The following ALDH1L1 variants were observed in gnomAD, a reference collection of about 807,000 sequenced individuals.
The protein encoded by ALDH1L1 is aldehyde dehydrogenase 1 family member L1.
A neutral mutation model predicts 101.1 loss-of-function variants in ALDH1L1; 68 were observed. The observed-to-expected ratio is 0.67, with a 90% CI of 0.55 to 0.82. The LOEUF (loss-of-function observed/expected upper bound fraction) is 0.82, where lower values mean the gene tolerates loss of function less well. Ranked by LOEUF, ALDH1L1 falls within the 40% of genes least tolerant of loss-of-function variation. ALDH1L1 has a pLI of 0.00. For missense variants in ALDH1L1, 1,087 were observed against 1,172.7 expected, an observed-to-expected ratio of 0.93 and a Z score of 1.07; for synonymous variants, 486 against 470.8, an observed-to-expected ratio of 1.03 and a Z score of -0.42.
intron 1 of ALDH1L1, among the ~76,000 whole-genome samples, chr3:126,187,115 G>T (rs2081523756): frequency 6.6e-6 from 1 of 152,174 alleles, no homozygotes; most frequent in African/African-American, 2.4e-5. Flanking sequence ...GGTAACAAGA[G>T]AAGGTCATGG....
intron 9 of ALDH1L1, among the ~76,000 whole-genome samples, chr3:126,140,405 A>G (rs2080544152): frequency 6.6e-6 from 1 of 152,164 alleles, no homozygotes; most frequent in Admixed American, 6.5e-5. Flanking sequence ...AGAAATGCTG[A>G]AAAGAGTCTT....
At chr3:126,116,471 A>G (rs2079974958) in intron 17 of ALDH1L1, among the ~76,000 whole-genome samples, 1 of 152,146 alleles carries the variant, frequency 6.6e-6, no homozygotes, top group African/African-American at 2.4e-5. Flanking sequence ...TTGCCCCCCA[A>G]ACCCTCTGTC....
intron 1 of ALDH1L1, among the ~76,000 whole-genome samples, chr3:126,167,356 C>A (rs532431338): frequency 6.6e-6 from 1 of 152,234 alleles, no homozygotes; most frequent in Non-Finnish European, 1.5e-5. Context: ...ATAGACCTAA[C>A]TTTCTGTGTT....
At chr3:126,187,030 G>C (rs1179374518) in intron 1 of ALDH1L1, among the ~76,000 whole-genome samples, 1 of 152,142 alleles carries the variant, frequency 6.6e-6, no homozygotes. Context: ...GGCTGCTCAG[G>C]GGGAGCGGGG....
In ALDH1L1 at chr3:126,107,180, G is replaced by A. The variant is rs1945906909; in HGVS notation, c.2414C>T (p.Ser805Phe). The change falls in exon 21 of 23, where the codon TCC (serine) becomes TTC (phenylalanine). Residue 805 changes from serine to phenylalanine, a missense_variant. By Grantham distance (155) the Ser-to-Phe change is radical (BLOSUM62 -2). This residue lies in a region of ALDH1L1 where 442 missense variants were observed against 535.7 expected (regional missense o/e 0.83). Transcript: ENST00000393434. ...EDHMFIAKEESFGPVMIISRF... is the reference protein window; with the variant it reads ...EDHMFIAKEEFFGPVMIISRF... ...AGAGATGATCATGACAGGCCCGAAG[G>A]ACTCCTCCTTGGCTATGAACATGTG... 1 of 1,614,070 alleles carries A rather than the reference G, an allele frequency of 6.2e-7. No homozygotes were observed. The highest frequency in any genetic ancestry group is 8.5e-7 in the Non-Finnish European group (1 of 1,180,028).
intron 1 of ALDH1L1, among the ~76,000 whole-genome samples, chr3:126,175,467 A>T (rs989646740): frequency 6.6e-6 from 1 of 152,148 alleles, no homozygotes; most frequent in Admixed American, 6.5e-5. Flanking sequence ...AATCCTCAAA[A>T]AAATCAGCAA....
At chr3:126,134,327 C>G (rs1358833975) in intron 12 of ALDH1L1, among the ~76,000 whole-genome samples, 1 of 152,184 alleles carries the variant, frequency 6.6e-6, no homozygotes, top group African/African-American at 2.4e-5. Context: ...ATACAAGCCA[C>G]CAGATGGCAG....
At chr3:126,114,956 C>T (rs1386728151) in intron 17 of ALDH1L1, 5 of 491,738 alleles carry the variant, frequency 1.0e-5, no homozygotes, top group East Asian at 5.7e-5. Context: ...CCTCCCTGAT[C>T]GCCCCGTATA....
rs200978365 is a variant in ALDH1L1 at position 126,146,788 on chromosome 3, C to T, written c.1076+47G>A. On this transcript the variant is annotated intron_variant, in intron 9 of 22. Transcript: ENST00000393434. ...TGCTCAGTTTTGCAGAGATTTGTGA[C>T]ACAGCACCAAGTACCTGGGACAGGA... is the stretch of plus-strand genomic sequence containing the variant. 9.2e-4 allele frequency: 1,470 copies of T among 1,592,004 alleles called. 16 individuals carry two copies. Among genetic ancestry groups the T allele is most frequent in the Non-Finnish European group, 2.4e-4 (280 of 1,165,212 alleles).
chr3:126,135,196 A>C (rs998406275), intron 12 of ALDH1L1: 2 of 229,500 alleles, frequency 8.7e-6, no homozygotes, highest in Non-Finnish European at 1.7e-5. Context: ...CCTCCAGCCC[A>C]GGCTGGTGAG....
rs1232193314 is a variant in ALDH1L1 at position 126,130,277 on chromosome 3, A to T, written c.1640T>A (p.Ile547Asn). ...GTTGCGGTTGGGTCTGGCCTGGTTG[A>T]TGGGGATGGTGGAGCCCTGGAAGAG... is the stretch of plus-strand genomic sequence containing the variant. ...CDKIQGSTIP[I>N]NQARPNRNLT... Residue 547 changes from isoleucine to asparagine, a missense_variant, in exon 14 of 23, where the codon ATC becomes AAC. Around this residue, in one of 2 missense-constraint regions of ALDH1L1, gnomAD observed 442 missense variants for 535.7 expected, o/e 0.83. Coordinates refer to ENST00000393434, the MANE Select transcript of ALDH1L1 (RefSeq NM_012190.4). 2 of 1,610,300 alleles carry T rather than the reference A, an allele frequency of 1.2e-6. No individual in the cohort carries two copies. Among genetic ancestry groups the T allele is most frequent in the Non-Finnish European group, 1.7e-6 (2 of 1,178,186 alleles).
intron 22 of ALDH1L1, chr3:126,104,178 A>C: frequency 2.6e-6 from 1 of 379,144 alleles, no homozygotes; most frequent in Non-Finnish European, 4.8e-6. Context: ...TCACTGGCCC[A>C]TCTCTTCTCT....
At chr3:126,192,903 C>T (rs1314484289) in intron 1 of ALDH1L1, among the ~76,000 whole-genome samples, 6 of 152,106 alleles carry the variant, frequency 3.9e-5, no homozygotes, top group African/African-American at 1.4e-4. Context: ...AGGGTCAGAA[C>T]AAATTTATAG....
At chr3:126,195,765 T>C (rs568616665) in intron 1 of ALDH1L1, among the ~76,000 whole-genome samples, 1 of 152,328 alleles carries the variant, frequency 6.6e-6, no homozygotes, top group African/African-American at 2.4e-5. Flanking sequence ...ATATACACCA[T>C]GGAATACTAT....
chr3:126,155,593 C>A, intron 4 of ALDH1L1, 90 bp from the exon 5 acceptor site: 1 of 1,069,710 alleles, frequency 9.3e-7, no homozygotes, highest in Non-Finnish European at 1.3e-6. Context: ...GACCCTTCCC[C>A]AGACTGACCA....
chr3:126,196,380 CTT>C (rs34527873), intron 1 of ALDH1L1, among the ~76,000 whole-genome samples: 7,797 of 139,060 alleles, frequency 0.056, 241 homozygotes, highest in African/African-American at 0.073. Flanking sequence ...AAGAAAACAG[CTT>C]TTTTTTTTTT....
intron 21 of ALDH1L1, 49 bp from the exon 22 acceptor site, chr3:126,105,974 G>A (rs772932999): frequency 1.3e-6 from 2 of 1,579,496 alleles, no homozygotes; most frequent in Admixed American, 3.4e-5. Context: ...GCAGAGGAGA[G>A]CCTGGCCCAC....
upstream of ALDH1L1, among the ~76,000 whole-genome samples, chr3:126,182,201 C>T (rs899131085): frequency 1.3e-5 from 2 of 152,048 alleles, no homozygotes; most frequent in African/African-American, 4.8e-5. Flanking sequence ...GGCTAGAGTC[C>T]AATGGTGCAA....
chr3:126,171,173 C>T (rs1430416302), intron 1 of ALDH1L1, among the ~76,000 whole-genome samples: 1 of 152,198 alleles, frequency 6.6e-6, no homozygotes, highest in Non-Finnish European at 1.5e-5. Flanking sequence ...TGGCGCATGC[C>T]TGTAGTCCCA....
Sources: gnomAD v4.1 joint callset for allele counts (sites outside exome capture counted in the v4.1 genomes callset) on GRCh38, gnomAD v4.1.1 for gene constraint, gnomAD v4.1.1 regional missense constraint, MANE v1.5 for transcripts, NCBI Gene and HGNC (gene_info 2026-07-23, HGNC 2026-07-21) for gene names.